Variants in KDM6A observed in about 807,000 individuals in gnomAD.
The protein encoded by KDM6A is lysine-specific demethylase 6A.
In KDM6A, 11 loss-of-function variants were observed where a neutral mutation model predicts 117.6. The observed-to-expected ratio is 0.09, with a 90% CI of 0.06 to 0.15. The LOEUF (loss-of-function observed/expected upper bound fraction) is 0.15, where lower values mean the gene tolerates loss of function less well. KDM6A is among the 10% of genes least tolerant of loss of function. The pLI is 1.00. For missense variants in KDM6A, 799 were observed against 1,077.3 expected (o/e 0.74, Z 3.62); for synonymous variants, 384 against 396.1 (o/e 0.97, Z 0.36).
intron 2 of KDM6A, among the ~76,000 whole-genome samples, chrX:44,915,787 G>T (rs2035513541): frequency 1.8e-5 from 2 of 111,550 alleles, no homozygotes; most frequent in Non-Finnish European, 3.8e-5. Context: ...GTATCAAAGT[G>T]CTTGTGTTCA....
At position 45,004,757 on chromosome X, in the gene KDM6A, C is replaced by T. The variant is rs186504320; in HGVS notation, c.385-6204C>T. Among the ~76,000 whole-genome samples, 46 of 111,370 alleles carry T rather than the reference C, an allele frequency of 4.1e-4. No homozygotes were observed. In the East Asian group the frequency reaches 0.012, roughly 29 times the overall value. ...TTATTGTCCCACCAGGGGTCTCAGG[C>T]GGGGAATTTCTGGTCCGCGGTAGGA... On this transcript the variant is annotated intron_variant, in intron 4 of 29. Coordinates refer to ENST00000611820, the MANE Select transcript of KDM6A (RefSeq NM_001291415.2).
At position 45,050,335 on chromosome X, in the gene KDM6A, C is replaced by T. The variant is rs1014417756; in HGVS notation, c.655-1374C>T. ...AGCCTGGGCAACAAGGGCGACACTC[C>T]GTCTCAAAAAAACAAACAAACGAAA... On this transcript the variant is annotated intron_variant, in intron 8 of 29. Coordinates refer to ENST00000611820, the MANE Select transcript of KDM6A (RefSeq NM_001291415.2). Among the ~76,000 whole-genome samples the T allele has an allele frequency of 2.7e-5, 3 of 112,093 alleles. No individual in the cohort carries two copies. The Admixed American group carries it at 2.8e-4, about 11-fold the overall frequency.
At chrX:44,953,862 G>T (rs1432907456) in intron 2 of KDM6A, among the ~76,000 whole-genome samples, 1 of 110,566 alleles carries the variant, frequency 9.0e-6, no homozygotes, top group Non-Finnish European at 1.9e-5. Flanking sequence ...TTTGAGACCC[G>T]CCTGGCCAGC....
chrX:44,878,588 A>C, intron 2 of KDM6A, among the ~76,000 whole-genome samples: 1 of 112,223 alleles, frequency 8.9e-6, no homozygotes, highest in East Asian at 2.8e-4. Context: ...TTTGGTCACA[A>C]ATTAGAACTG....
chrX:44,912,035 AGAGGGG>A, intron 2 of KDM6A, among the ~76,000 whole-genome samples: 1 of 84,622 alleles, frequency 1.2e-5, no homozygotes, highest in African/African-American at 4.5e-5. Flanking sequence ...GGAGAGGGAG[AGAGGGG>A]GAGAGGGGGA....
At position 44,936,785 on chromosome X, in the gene KDM6A, G is replaced by A. The variant is rs1405963244; in HGVS notation, c.226-24499G>A. Among the ~76,000 whole-genome samples the A allele has an allele frequency of 4.5e-5, 5 of 111,920 alleles. No homozygotes were observed. In the East Asian group the frequency reaches 1.1e-3, roughly 25 times the overall value. ...AAGATTTTAAATAATTTTGTTAAAC[G>A]AAATTTTGGCAGTGACCCATCAAGA... On this transcript the variant is annotated intron_variant, in intron 2 of 29. Coordinates refer to ENST00000611820, the MANE Select transcript of KDM6A (RefSeq NM_001291415.2).
chrX:45,092,327 G>T, intron 27 of KDM6A, among the ~76,000 whole-genome samples: 1 of 111,193 alleles, frequency 9.0e-6, no homozygotes, highest in Non-Finnish European at 1.9e-5. Flanking sequence ...GAGTAGATTA[G>T]GATTTTATAA....
At chrX:45,084,348 C>A (rs918067983) in intron 24 of KDM6A, among the ~76,000 whole-genome samples, 1 of 111,881 alleles carries the variant, frequency 8.9e-6, no homozygotes, top group Non-Finnish European at 1.9e-5. Flanking sequence ...AAATATTTAA[C>A]AATTGCCACA....
intron 2 of KDM6A, among the ~76,000 whole-genome samples, chrX:44,875,117 G>A (rs1377805424): frequency 8.9e-6 from 1 of 112,349 alleles, no homozygotes; most frequent in East Asian, 2.8e-4. Flanking sequence ...GAAAGTTGGA[G>A]TGTGTGCTAT....
At position 45,070,194 on chromosome X, in the gene KDM6A, C is replaced by T. The variant is rs2148054031; in HGVS notation, c.2695C>T (p.Pro899Ser). 8.3e-7 allele frequency: 1 copy of T among 1,211,296 alleles called. No homozygotes were observed. The highest frequency in any genetic ancestry group is 2.2e-5 in the Admixed American group (1 of 46,024). The change falls in exon 18 of 30, where the codon CCT (proline) becomes TCT (serine). Residue 899 changes from proline (P) to serine (S), a missense_variant. By Grantham distance (74) the Pro-to-Ser change is moderately conservative (BLOSUM62 -1). Coordinates refer to ENST00000611820, the MANE Select transcript of KDM6A (RefSeq NM_001291415.2). ...AAACAGTGTTACCAGCCTTAACAGC[C>T]CTCACAGTGGGCTACACACAATTAA... is the stretch of plus-strand genomic sequence containing the variant. ...TTNSVTSLNS[P>S]HSGLHTINGE... is the part of the protein sequence containing the mutation.
intron 8 of KDM6A, among the ~76,000 whole-genome samples, chrX:45,042,304 A>AG (rs1219555810): frequency 6.1e-5 from 4 of 65,400 alleles, no homozygotes; most frequent in Non-Finnish European, 9.8e-5. Context: ...GAGAGGGGAG[A>AG]GGGAGAGTCA....
At chrX:45,050,283 T>C (rs1304879400) in intron 8 of KDM6A, among the ~76,000 whole-genome samples, 1 of 112,566 alleles carries the variant, frequency 8.9e-6, no homozygotes. Flanking sequence ...GAGGTTGCAG[T>C]GAACTGAGAT....
At chrX:44,949,752 A>G (rs2037873781) in intron 2 of KDM6A, among the ~76,000 whole-genome samples, 1 of 112,113 alleles carries the variant, frequency 8.9e-6, no homozygotes, top group African/African-American at 3.2e-5. Context: ...TACCAAAGAT[A>G]TTAATTTGAA....
chrX:44,994,004 G>T (rs1257647476), intron 4 of KDM6A, among the ~76,000 whole-genome samples: 1 of 111,461 alleles, frequency 9.0e-6, no homozygotes, highest in Non-Finnish European at 1.9e-5. Flanking sequence ...TTCAAATATT[G>T]CCTGTGTTCC....
At chrX:45,032,570 C>T (rs772706303) in intron 6 of KDM6A, among the ~76,000 whole-genome samples, 3 of 110,520 alleles carry the variant, frequency 2.7e-5, no homozygotes, top group Non-Finnish European at 5.7e-5. Flanking sequence ...TTTTTTGAAA[C>T]GCATTCTCAT....
intron 27 of KDM6A, among the ~76,000 whole-genome samples, chrX:45,105,491 A>G (rs1366844152): frequency 3.6e-5 from 4 of 111,483 alleles, no homozygotes; most frequent in Non-Finnish European, 7.5e-5. Context: ...TTTTCCTGTA[A>G]GAGACCTTAT....
intron 4 of KDM6A, among the ~76,000 whole-genome samples, chrX:44,979,999 T>C (rs1263148273): frequency 3.6e-4 from 4 of 11,237 alleles, no homozygotes; most frequent in Admixed American, 1.7e-3. Context: ...CTTTCTTTCC[T>C]TTTTTTTTTT....
chrX:44,949,412 T>C (rs1412863994), intron 2 of KDM6A, among the ~76,000 whole-genome samples: 1 of 111,604 alleles, frequency 9.0e-6, no homozygotes. Context: ...AACAAAAAGA[T>C]TTTTACTGTT....
intron 2 of KDM6A, among the ~76,000 whole-genome samples, chrX:44,939,037 C>T (rs966105272): frequency 8.9e-6 from 1 of 112,404 alleles, no homozygotes; most frequent in Non-Finnish European, 1.9e-5. Flanking sequence ...GGTGGAGATA[C>T]ATAAGGAGAC....
Sources: allele counts gnomAD v4.1 joint callset (sites outside exome capture counted in the v4.1 genomes callset), GRCh38; gene constraint gnomAD v4.1.1; transcripts MANE v1.5; gene names NCBI Gene and HGNC (gene_info 2026-07-23, HGNC 2026-07-21).